Variants in NVL observed in about 807,000 individuals in gnomAD.
NVL encodes the protein nuclear VCP like.
NVL carries 84 observed loss-of-function variants against 110.2 expected under a neutral mutation model. The ratio of observed to expected loss-of-function variants is 0.76; its 90% CI spans 0.64 to 0.91. NVL has a LOEUF of 0.91. Among genes scored for constraint, NVL ranks in the 40% least tolerant of loss-of-function variants. NVL has a pLI of 0.00. For missense variants in NVL, 882 were observed against 1,035.9 expected, an observed-to-expected ratio of 0.85 and a Z score of 2.04; for synonymous variants, 354 against 361.1, an observed-to-expected ratio of 0.98 and a Z score of 0.22.
chr1:224,230,381 G>T (rs1347820222), intron 22 of NVL, among the ~76,000 whole-genome samples: 1 of 152,132 alleles, frequency 6.6e-6, no homozygotes, highest in Admixed American at 6.5e-5. Context: ...AAGGCGGGTG[G>T]ATCACGAGGT....
chr1:224,280,340 T>G (rs536211426), intron 16 of NVL, among the ~76,000 whole-genome samples: 1 of 152,282 alleles, frequency 6.6e-6, no homozygotes, highest in South Asian at 2.1e-4. Flanking sequence ...CTCTCTGATA[T>G]TCTGAAGTTA....
intron 10 of NVL, chr1:224,297,534 G>A (rs767127333): frequency 6.6e-6 from 1 of 152,114 alleles, no homozygotes; most frequent in Non-Finnish European, 1.5e-5. Flanking sequence ...AATGGATGGG[G>A]GTAATGATAA....
At chr1:224,265,130 A>G (rs1366243603) in intron 18 of NVL, among the ~76,000 whole-genome samples, 2 of 152,158 alleles carry the variant, frequency 1.3e-5, no homozygotes, top group Admixed American at 6.5e-5. Flanking sequence ...GGGGAAGACA[A>G]TATACACACA....
intron 8 of NVL, 92 bp from the exon 9 acceptor site, chr1:224,303,949 G>C: frequency 7.3e-7 from 1 of 1,377,910 alleles, no homozygotes; most frequent in Non-Finnish European, 9.7e-7. Context: ...AAATGGAGTA[G>C]ATAGGTAGAA....
chr1:224,272,226 T>C (rs895878263), intron 17 of NVL, among the ~76,000 whole-genome samples: 23 of 149,088 alleles, frequency 1.5e-4, no homozygotes, highest in Non-Finnish European at 2.4e-4. Flanking sequence ...ACACCTGTAG[T>C]CCCAGCTACT....
intron 16 of NVL, 62 bp downstream of exon 16, chr1:224,281,061 C>CTGA: frequency 7.1e-7 from 1 of 1,401,244 alleles, no homozygotes; most frequent in Non-Finnish European, 1.0e-6. Context: ...CATTTTACCC[C>CTGA]GTAATTTGCA....
intron 2 of NVL, among the ~76,000 whole-genome samples, chr1:224,319,981 T>C (rs905514335): frequency 1.3e-5 from 2 of 151,948 alleles, no homozygotes; most frequent in Non-Finnish European, 2.9e-5. Context: ...GGATATTCTA[T>C]ATAGTAACTA....
chr1:224,291,540 A>G (rs570789897), intron 12 of NVL, among the ~76,000 whole-genome samples: 1 of 152,368 alleles, frequency 6.6e-6, no homozygotes, highest in South Asian at 2.1e-4. Context: ...GCAGATAAAC[A>G]TTACTGACAA....
At chr1:224,242,353 C>G (rs1268591216) in intron 19 of NVL, among the ~76,000 whole-genome samples, 1 of 152,016 alleles carries the variant, frequency 6.6e-6, no homozygotes, top group Non-Finnish European at 1.5e-5. Flanking sequence ...AGTTATGGCT[C>G]ATTTACACTG....
intron 19 of NVL, among the ~76,000 whole-genome samples, chr1:224,247,055 C>T (rs1363926566): frequency 6.4e-5 from 6 of 93,522 alleles, no homozygotes; most frequent in Non-Finnish European, 1.3e-4. Flanking sequence ...CATACTGTGT[C>T]AAAAAAAAAA....
In NVL at chr1:224,288,012, G is replaced by C. The variant is rs61825630; in HGVS notation, c.1576-19C>G. ...ATTCATCCTTGAAGGGAACAATAGA[G>C]GGGAAAAAAATAAAGAAACACCACA... On this transcript the variant is annotated intron_variant, in intron 13 of 22. Transcript: ENST00000281701. 9.5e-6 allele frequency: 15 copies of C among 1,578,014 alleles called. No individual in the cohort carries two copies. The highest frequency in any genetic ancestry group is 1.7e-5 in the Admixed American group (1 of 58,106).
chr1:224,242,446 T>C (rs1293971095), intron 19 of NVL, among the ~76,000 whole-genome samples: 3 of 152,102 alleles, frequency 2.0e-5, no homozygotes, highest in Non-Finnish European at 4.4e-5. Flanking sequence ...GCTACTACTT[T>C]TATTTTAACA....
intron 18 of NVL, among the ~76,000 whole-genome samples, chr1:224,253,369 C>G (rs975829656): frequency 6.6e-6 from 1 of 151,556 alleles, no homozygotes; most frequent in African/African-American, 2.4e-5. Context: ...TTTCATTTCT[C>G]TTCAGTAAAT....
chr1:224,235,052 C>T (rs1224729112), intron 20 of NVL, among the ~76,000 whole-genome samples: 1 of 152,194 alleles, frequency 6.6e-6, no homozygotes, highest in African/African-American at 2.4e-5. Context: ...ATCTGCCTGC[C>T]TTGGCCTCCC....
At chr1:224,267,168 C>A (rs1664576394) in intron 18 of NVL, among the ~76,000 whole-genome samples, 1 of 152,170 alleles carries the variant, frequency 6.6e-6, no homozygotes, top group African/African-American at 2.4e-5. Context: ...TCCGAGCCAT[C>A]TTCTGCACTT....
At chr1:224,236,420 G>T in intron 20 of NVL, 86 bp downstream of exon 20, 1 of 969,506 alleles carries the variant, frequency 1.0e-6, no homozygotes, top group Non-Finnish European at 1.7e-6. Context: ...CCAACAATCT[G>T]CTGAGGTGAG....
At chr1:224,232,007 A>G (rs548006010) in intron 21 of NVL, 5 of 151,410 alleles carry the variant, frequency 3.3e-5, no homozygotes, top group African/African-American at 1.2e-4. Flanking sequence ...AGCCTGGGCG[A>G]CAGAGCAAGA....
chr1:224,328,073 C>CA (rs1358071213), intron 1 of NVL, among the ~76,000 whole-genome samples: 2 of 152,030 alleles, frequency 1.3e-5, no homozygotes, highest in East Asian at 1.9e-4. Flanking sequence ...GATTTCCCCC[C>CA]CCTTTTTTTT....
chr1:224,311,319 C>T (rs970331752), intron 5 of NVL, among the ~76,000 whole-genome samples: 3 of 151,688 alleles, frequency 2.0e-5, no homozygotes, highest in African/African-American at 7.3e-5. Context: ...CCTTGGCCTT[C>T]CAAAGTGCTG....
Sources: gnomAD v4.1 joint callset for allele counts (sites outside exome capture counted in the v4.1 genomes callset) on GRCh38, gnomAD v4.1.1 for gene constraint, MANE v1.5 for transcripts, NCBI Gene and HGNC (gene_info 2026-07-23, HGNC 2026-07-21) for gene names.